The following OTOG variants were observed in gnomAD, a reference collection of about 807,000 sequenced individuals.
The protein encoded by OTOG is otogelin.
Under a neutral mutation model 313.8 loss-of-function variants are expected in OTOG, and 296 were observed. The ratio of observed to expected loss-of-function variants is 0.94; its 90% CI spans 0.86 to 1.04. The LOEUF (loss-of-function observed/expected upper bound fraction) is 1.04, where lower values mean the gene tolerates loss of function less well. Among genes scored for constraint, OTOG ranks in the 50% least tolerant of loss-of-function variants. The pLI is 0.00. For missense variants in OTOG, 3,948 were observed against 3,840.1 expected, an observed-to-expected ratio of 1.03 and a Z score of -0.74; for synonymous variants, 1,533 against 1,554.9, an observed-to-expected ratio of 0.99 and a Z score of 0.33.
At chr11:17,599,177 G>A (rs749845997) in intron 30 of OTOG, among the ~76,000 whole-genome samples, 1 of 152,180 alleles carries the variant, frequency 6.6e-6, no homozygotes, top group East Asian at 1.9e-4. Context: ...CTCACAGCTC[G>A]GCTGGTGGAA....
Position 17,588,974 on chromosome 11 carries a change from C to T in OTOG, c.2867+2393C>T, listed in dbSNP as rs563672078. Among the ~76,000 whole-genome samples the T allele has an allele frequency of 1.8e-4, 27 of 152,274 alleles. No individual in the cohort carries two copies. The South Asian group carries it at 2.7e-3, about 15-fold the overall frequency. ...ACCTCTCTGCTGCCTCTCACCCCCT[C>T]GATGTCTCCCCTTCCCTTTTACCTC... On this transcript the variant is annotated intron_variant, in intron 24 of 55. Coordinates refer to ENST00000399397, the MANE Select transcript of OTOG (RefSeq NM_001292063.2).
intron 6 of OTOG, 95 bp downstream of exon 6, chr11:17,553,614 G>A (rs1851994427): frequency 8.7e-7 from 1 of 1,154,844 alleles, no homozygotes; most frequent in Non-Finnish European, 1.1e-6. Context: ...TAGAGAGACT[G>A]GCACCTTCCT....
chr11:17,621,635 G>A (rs1853867219), intron 39 of OTOG, among the ~76,000 whole-genome samples: 1 of 151,984 alleles, frequency 6.6e-6, no homozygotes, highest in South Asian at 2.1e-4. Context: ...GCAAACTCTA[G>A]CTACCTTGGC....
chr11:17,552,136 G>GA (rs1409705476), intron 4 of OTOG, 61 bp downstream of exon 4: 3 of 1,500,994 alleles, frequency 2.0e-6, no homozygotes, highest in Non-Finnish European at 1.8e-6. Context: ...GCAGAGGCCT[G>GA]AAAGGGCAGA....
intron 15 of OTOG, among the ~76,000 whole-genome samples, chr11:17,562,497 A>G (rs554499408): frequency 6.6e-6 from 1 of 152,318 alleles, no homozygotes; most frequent in South Asian, 2.1e-4. Context: ...TTTATACGGA[A>G]CAATTTGAAC....
chr11:17,576,432 G>A (rs1202672735), intron 20 of OTOG, 124 bp from the exon 21 acceptor site: 15 of 749,198 alleles, frequency 2.0e-5, no homozygotes, highest in Non-Finnish European at 3.5e-5. Flanking sequence ...TGTCACTGTA[G>A]ATACCATTAC....
intron 38 of OTOG, 151 bp from the exon 39 acceptor site, chr11:17,613,461 C>T: frequency 1.6e-6 from 1 of 644,046 alleles, no homozygotes; most frequent in South Asian, 1.9e-5. Context: ...TCCATGCAAT[C>T]CTGGGCACCA....
In OTOG at chr11:17,594,070, G is replaced by A. The variant is rs1004131940; in HGVS notation, c.3312G>A (p.Gly1104=). ...AGGGCCAGCTGGCGGGCCTCTGTGG[G>A]AACTTTGACTTAAAAACCATCAATG... ...QWQGQLAGLC[G]NFDLKTINEM... Residue 1104 remains glycine (G), a synonymous_variant, in exon 28 of 56, where the codon GGG becomes GGA. Transcript: ENST00000399397. The A allele has an allele frequency of 4.5e-6, 7 of 1,550,548 alleles. No homozygotes were observed. The highest frequency in any genetic ancestry group is 6.1e-6 in the Non-Finnish European group (7 of 1,146,984).
intron 40 of OTOG, among the ~76,000 whole-genome samples, chr11:17,629,847 GAA>G (rs1354216464): frequency 6.6e-6 from 1 of 152,168 alleles, no homozygotes; most frequent in African/African-American, 2.4e-5. Flanking sequence ...TTCTCATAAG[GAA>G]AAGAGATATG....
intron 40 of OTOG, among the ~76,000 whole-genome samples, chr11:17,630,363 G>A (rs1002897922): frequency 6.6e-6 from 1 of 152,140 alleles, no homozygotes; most frequent in African/African-American, 2.4e-5. Context: ...GTAGCCTGGT[G>A]AGCCAACCCC....
chr11:17,552,484 AGGT>A, intron 4 of OTOG, among the ~76,000 whole-genome samples: 1 of 40,936 alleles, frequency 2.4e-5, no homozygotes, highest in Non-Finnish European at 4.2e-5. Context: ...CACCTGTCCT[AGGT>A]CTGTGGCCTC....
At chr11:17,575,030 G>T in intron 20 of OTOG, 118 bp downstream of exon 20, 1 of 1,054,592 alleles carries the variant, frequency 9.5e-7, no homozygotes, top group Non-Finnish European at 1.3e-6. Context: ...CCTCACAGTT[G>T]CAGGCCAGAC....
chr11:17,552,517 T>TCCCTCAC (rs1187643365), intron 4 of OTOG, among the ~76,000 whole-genome samples: 3 of 33,704 alleles, frequency 8.9e-5, no homozygotes, highest in African/African-American at 6.9e-4. Context: ...CTGTCCTGTG[T>TCCCTCAC]CTGTTCCTAC....
rs747421330 is a variant in OTOG at position 17,635,639 on chromosome 11, G to A, written c.7723G>A (p.Glu2575Lys). 2.6e-5 allele frequency: 40 copies of A among 1,550,332 alleles called. No homozygotes were observed. The highest frequency in any genetic ancestry group is 1.7e-4 in the Middle Eastern group (1 of 6,014). ...TGGTGACTGTCCAGACTCCATCCCC[G>A]AATGTCAAGAAGGGGAGGCGCTCAC... ...ACGDCPDSIP[E>K]CQEGEALTVH... Residue 2575 changes from glutamate to lysine, a missense_variant, in exon 47 of 56, where the codon GAA becomes AAA. Physicochemically the swap from Glu to Lys is moderately conservative, Grantham distance 56. Coordinates refer to ENST00000399397, the MANE Select transcript of OTOG (RefSeq NM_001292063.2).
intron 39 of OTOG, among the ~76,000 whole-genome samples, chr11:17,625,907 T>C (rs998259873): frequency 2.0e-5 from 3 of 149,396 alleles, no homozygotes; most frequent in African/African-American, 7.4e-5. Context: ...TCCCCAGTGC[T>C]TTCTTGTAGT....
Position 17,547,450 on chromosome 11 carries a change from G to C in OTOG, c.78G>C (p.Leu26=), listed in dbSNP as rs1254883995. The C allele has an allele frequency of 1.4e-6, 2 of 1,379,760 alleles. No homozygotes were observed. The highest frequency in any genetic ancestry group is 1.5e-5 in the African/African-American group (1 of 66,268). 85.5% of individuals were successfully genotyped at this position (1,379,760 alleles called of 1,614,324 possible). ...LPWGEQAAES[L]RVQRLAAAPV... is the part of the protein sequence containing the mutation. ...GGGGTGAGCAGGCAGCCGAGTCCCT[G>C]CGGGTGCAGCGCCTCGGTGAGAGGG... The change falls in exon 1 of 56, where the codon CTG becomes CTC. Residue 26 remains leucine, a synonymous_variant. Transcript: ENST00000399397.
intron 2 of OTOG, 63 bp downstream of exon 2, chr11:17,548,050 G>C (rs1050298266): frequency 2.4e-6 from 3 of 1,259,144 alleles, no homozygotes; most frequent in Non-Finnish European, 3.2e-6. Context: ...TGGCATCAGC[G>C]ACCCCAGGGC....
At chr11:17,586,407 G>A (rs1024316098) in intron 23 of OTOG, 67 bp from the exon 24 acceptor site, 2 of 973,700 alleles carry the variant, frequency 2.1e-6, no homozygotes, top group Non-Finnish European at 2.8e-6. Context: ...ATTGAGGCAG[G>A]GTCCTCCACA....
chr11:17,609,602 C>G (rs888406272), intron 35 of OTOG, 53 bp from the exon 36 acceptor site: 2 of 1,405,082 alleles, frequency 1.4e-6, no homozygotes, highest in Non-Finnish European at 1.9e-6. Flanking sequence ...CCAGCAATGA[C>G]CCCCGGGGCA....
Sources: gnomAD v4.1 joint callset for allele counts (sites outside exome capture counted in the v4.1 genomes callset) on GRCh38, gnomAD v4.1.1 for gene constraint, MANE v1.5 for transcripts, NCBI Gene and HGNC (gene_info 2026-07-23, HGNC 2026-07-21) for gene names.